The following RNF150 variants were observed in gnomAD, a reference collection of about 807,000 sequenced individuals.
RNF150 encodes ring finger protein 150.
Under a neutral mutation model 39.3 loss-of-function variants are expected in RNF150, and 24 were observed. The observed-to-expected ratio is 0.61, with a 90% CI of 0.44 to 0.86. RNF150 has a LOEUF of 0.86. RNF150 is among the 40% of genes least tolerant of loss of function. RNF150 has a pLI of 0.00. For synonymous variants in RNF150, 255 were observed against 227.3 expected, an observed-to-expected ratio of 1.12 and a Z score of -1.10; for missense variants, 502 against 587.8, an observed-to-expected ratio of 0.85 and a Z score of 1.51.
At chr4:141,166,831 A>G (rs980262284) in intron 1 of RNF150, among the ~76,000 whole-genome samples, 6 of 152,206 alleles carry the variant, frequency 3.9e-5, no homozygotes, top group Non-Finnish European at 7.3e-5. Flanking sequence ...ACCCACAGCC[A>G]ATATAATACT....
chr4:140,998,843 A>G (rs1390401665), intron 1 of RNF150, among the ~76,000 whole-genome samples: 1 of 152,202 alleles, frequency 6.6e-6, no homozygotes, highest in African/African-American at 2.4e-5. Context: ...TCCAGGATCT[A>G]TAACATGCAA....
chr4:140,984,994 C>T (rs1356657118), intron 1 of RNF150, among the ~76,000 whole-genome samples: 2 of 152,056 alleles, frequency 1.3e-5, no homozygotes, highest in African/African-American at 2.4e-5. Flanking sequence ...AAATAAATGG[C>T]TTGGCCCTGA....
chr4:141,134,300 G>C (rs978901237), upstream of RNF150, among the ~76,000 whole-genome samples: 5 of 152,172 alleles, frequency 3.3e-5, no homozygotes, highest in African/African-American at 1.2e-4. Context: ...TAGTACAGCA[G>C]AGTGCCTTAC....
Position 141,211,554 on chromosome 4 carries a change from G to A in RNF150, c.-6+1240C>T, listed in dbSNP as rs138441898. Among the ~76,000 whole-genome samples the A allele has an allele frequency of 1.0e-3, 157 of 152,074 alleles. 4 individuals carry two copies. In the South Asian group the frequency reaches 0.019, roughly 18 times the overall value. Reference sequence around the variant, plus strand: ...TACAACCATTAATGTACTTTAATTCGTATTATGTTGAGTCTGCTTTAAAAG... The same window carrying A: ...TACAACCATTAATGTACTTTAATTCATATTATGTTGAGTCTGCTTTAAAAG... On this transcript the variant is annotated intron_variant, in intron 1 of 7. Coordinates refer to the RNF150 transcript ENST00000420921.
At chr4:140,973,672 T>A (rs944214895) in intron 1 of RNF150, among the ~76,000 whole-genome samples, 2 of 150,420 alleles carry the variant, frequency 1.3e-5, no homozygotes, top group Non-Finnish European at 1.5e-5. Flanking sequence ...AGGTCAGGAG[T>A]TAAAGACCAG....
At chr4:141,138,244 T>C (rs1171273771), upstream of RNF150, among the ~76,000 whole-genome samples, 1 of 152,182 alleles carries the variant, frequency 6.6e-6, no homozygotes, top group African/African-American at 2.4e-5. Flanking sequence ...TGGAGAAGAT[T>C]CAACATACAG....
intron 5 of RNF150, among the ~76,000 whole-genome samples, chr4:140,920,836 A>G (rs1731091739): frequency 1.3e-5 from 2 of 151,044 alleles, no homozygotes; most frequent in Non-Finnish European, 3.0e-5. Flanking sequence ...GCACATATAC[A>G]CCATGGAATA....
At chr4:140,958,307 A>C (rs922501591) in intron 2 of RNF150, among the ~76,000 whole-genome samples, 64 of 152,074 alleles carry the variant, frequency 4.2e-4, no homozygotes, top group Non-Finnish European at 1.2e-4. Context: ...AGGTCTTAAC[A>C]TGACAGCCTT....
chr4:140,885,419 A>G (rs1231935214), intron 6 of RNF150, among the ~76,000 whole-genome samples: 2 of 137,406 alleles, frequency 1.5e-5, no homozygotes, highest in Non-Finnish European at 3.1e-5. Flanking sequence ...TATATTTTAT[A>G]TATATGTACA....
At chr4:141,177,083 A>G (rs1727827175) in intron 1 of RNF150, among the ~76,000 whole-genome samples, 1 of 151,800 alleles carries the variant, frequency 6.6e-6, no homozygotes, top group Non-Finnish European at 1.5e-5. Context: ...AACAAAGAAA[A>G]AAGACGGGTG....
chr4:141,087,812 T>C (rs1335218116), intron 1 of RNF150, among the ~76,000 whole-genome samples: 2 of 152,244 alleles, frequency 1.3e-5, no homozygotes, highest in Non-Finnish European at 2.9e-5. Flanking sequence ...TTACATCTTT[T>C]GTAACACTGT....
intron 1 of RNF150, among the ~76,000 whole-genome samples, chr4:141,185,401 G>T (rs1269252738): frequency 6.6e-6 from 1 of 152,012 alleles, no homozygotes; most frequent in Non-Finnish European, 1.5e-5. Flanking sequence ...CTTTGCTAAA[G>T]TTGCTTATCA....
intron 1 of RNF150, among the ~76,000 whole-genome samples, chr4:141,094,672 A>G (rs1035495727): frequency 6.6e-6 from 1 of 152,274 alleles, no homozygotes; most frequent in Admixed American, 6.5e-5. Flanking sequence ...GCCAGCCCCT[A>G]AAAGAGACAA....
At chr4:141,043,314 T>A (rs1202781318) in intron 1 of RNF150, among the ~76,000 whole-genome samples, 1 of 152,124 alleles carries the variant, frequency 6.6e-6, no homozygotes, top group Non-Finnish European at 1.5e-5. Context: ...GAATCTCCGA[T>A]AAAAGCAAGA....
intron 1 of RNF150, among the ~76,000 whole-genome samples, chr4:141,100,693 G>T (rs957611187): frequency 6.6e-6 from 1 of 152,150 alleles, no homozygotes; most frequent in Non-Finnish European, 1.5e-5. Context: ...ACAGAGACTG[G>T]TCCCAAGAAA....
At chr4:140,969,068 G>A (rs909310512) in intron 1 of RNF150, among the ~76,000 whole-genome samples, 5 of 151,950 alleles carry the variant, frequency 3.3e-5, no homozygotes, top group African/African-American at 1.2e-4. Context: ...GCTGCTTAAC[G>A]CTGGCTGTAT....
chr4:140,890,676 G>A (rs986532954), intron 6 of RNF150, among the ~76,000 whole-genome samples: 2 of 152,168 alleles, frequency 1.3e-5, no homozygotes. Flanking sequence ...AGTCAACCAT[G>A]CAGCCATCCT....
chr4:140,939,328 A>G (rs933284128), intron 4 of RNF150, among the ~76,000 whole-genome samples: 3 of 152,220 alleles, frequency 2.0e-5, no homozygotes, highest in Non-Finnish European at 4.4e-5. Context: ...TTGTAAAAGT[A>G]TAGCCTTACA....
At chr4:140,999,983 GAAAAGAA>G (rs1304599124) in intron 1 of RNF150, among the ~76,000 whole-genome samples, 1 of 37,778 alleles carries the variant, frequency 2.6e-5, no homozygotes, top group East Asian at 7.1e-4. Context: ...AAGAAAAGAA[GAAAAGAA>G]GAAAAGAAGA....
Sources: allele counts gnomAD v4.1 joint callset (sites outside exome capture counted in the v4.1 genomes callset), GRCh38; gene constraint gnomAD v4.1.1; transcripts MANE v1.5; gene names NCBI Gene and HGNC (gene_info 2026-07-23, HGNC 2026-07-21).